The following IGF1 variants were observed in gnomAD, a reference collection of about 807,000 sequenced individuals.
IGF1 encodes insulin like growth factor 1.
Under a neutral mutation model 13.8 loss-of-function variants are expected in IGF1, and 4 were observed. The observed-to-expected ratio is 0.29, with a 90% CI of 0.14 to 0.66. IGF1 has a LOEUF of 0.66. Ranked by LOEUF, IGF1 falls within the 30% of genes least tolerant of loss-of-function variation. The pLI, the probability that IGF1 is intolerant of heterozygous loss-of-function variation, is 0.78. For synonymous variants in IGF1, 76 were observed against 72.6 expected (o/e 1.05, Z -0.23); for missense variants, 124 against 188.5 (o/e 0.66, Z 2.00).
At chr12:102,471,404 A>G (rs1185714467) in intron 2 of IGF1, among the ~76,000 whole-genome samples, 1 of 152,156 alleles carries the variant, frequency 6.6e-6, no homozygotes, top group African/African-American at 2.4e-5. Flanking sequence ...CAACTAATGA[A>G]CGACAGGTCT....
intron 1 of IGF1, among the ~76,000 whole-genome samples, chr12:102,479,034 T>C (rs534350673): frequency 6.6e-6 from 1 of 152,340 alleles, no homozygotes; most frequent in African/African-American, 2.4e-5. Context: ...GAAAAGTGCA[T>C]TTGGAAACAA....
At chr12:102,478,430 G>T in intron 1 of IGF1, 1 of 1,212,912 alleles carries the variant, frequency 8.2e-7, no homozygotes, top group Admixed American at 2.1e-5. Flanking sequence ...AGATGTCTGG[G>T]CCACAATGAA....
rs1879443056 is a variant in IGF1, at chr12:102,456,772, A to C, written c.220+18871T>G. On this transcript the variant is annotated intron_variant, in intron 2 of 3. Coordinates refer to ENST00000337514, the MANE Select transcript of IGF1 (RefSeq NM_000618.5). ...ACATTTGCCCTTGTAATTCCAGTCC[A>C]CAGAAATCATACATGACCCAAAAAG... Among the ~76,000 whole-genome samples the C allele has an allele frequency of 2.0e-5, 3 of 152,182 alleles. No individual in the cohort carries two copies. The South Asian group carries it at 6.2e-4, about 32-fold the overall frequency.
chr12:102,399,260 A>G lies in IGF1; in HGVS notation c.*3247T>C, dbSNP rs1873486890. On this transcript the variant is annotated 3_prime_UTR_variant, in exon 4 of 4. Transcript: ENST00000337514. The stretch of plus-strand genomic sequence containing the variant: ...CTGCCTCATCTTAAAAAGTTCAAAT[A>G]ATACTTTAATATTATTTGGGGAAGA... 2 of 152,456 alleles carry G rather than the reference A, an allele frequency of 1.3e-5. No individual in the cohort carries two copies. 9.4% of individuals were successfully genotyped at this position (152,456 alleles called of 1,614,324 possible). A position where few individuals can be genotyped will look rare whatever the true frequency, so the allele number is the denominator to read the frequency against.
chr12:102,470,433 G>C (rs1025992346), intron 2 of IGF1, among the ~76,000 whole-genome samples: 4 of 152,204 alleles, frequency 2.6e-5, no homozygotes, highest in African/African-American at 9.7e-5. Context: ...CATTTTCTTA[G>C]TGGTCCTATG....
rs147377057 is a variant in IGF1 at position 102,478,864 on chromosome 12, A to G, written c.63+1455T>C. On this transcript the variant is annotated intron_variant, in intron 1 of 3. Transcript: ENST00000337514. ...GGAAATACCTTGAGAGTCAGAGTAC[A>G]ATCAGCTGGTGAGCTCTGCCTCTGG... Among the ~76,000 whole-genome samples the G allele has an allele frequency of 3.3e-3, 498 of 152,320 alleles. 5 individuals carry two copies. The highest frequency in any genetic ancestry group is 2.1e-3 in the Non-Finnish European group (145 of 68,040).
intron 2 of IGF1, among the ~76,000 whole-genome samples, chr12:102,440,768 C>T (rs1311447217): frequency 6.6e-6 from 1 of 152,086 alleles, no homozygotes; most frequent in African/African-American, 2.4e-5. Flanking sequence ...ATGTCAGTTT[C>T]CCCGTATTTA....
rs761462868 is a variant in IGF1 at position 102,419,537 on chromosome 12, C to A, written c.374G>T (p.Arg125Leu). 1 of 1,613,434 alleles carries A rather than the reference C, an allele frequency of 6.2e-7. No homozygotes were observed. The highest frequency in any genetic ancestry group is 8.5e-7 in the Non-Finnish European group (1 of 1,179,964). The change falls in exon 3 of 4, where the codon CGC (arginine) becomes CTC (leucine). Residue 125 changes from arginine (R) to leucine (L), a missense_variant. This residue lies in a region of IGF1 where 99 missense variants were observed against 171.4 expected (regional missense o/e 0.58). Coordinates refer to ENST00000337514, the MANE Select transcript of IGF1 (RefSeq NM_000618.5). ...AKSARSVRAQ[R>L]HTDMPKTQKE... Reference sequence around the variant, plus strand: ...CTGGGTCTTGGGCATGTCGGTGTGGCGCTGGGCACGGACAGAGCGAGCTGA... The same window carrying A: ...CTGGGTCTTGGGCATGTCGGTGTGGAGCTGGGCACGGACAGAGCGAGCTGA...
chr12:102,466,672 C>T (rs776044047), intron 2 of IGF1, among the ~76,000 whole-genome samples: 24 of 152,012 alleles, frequency 1.6e-4, no homozygotes, highest in Non-Finnish European at 3.1e-4. Context: ...GAGACTGAGG[C>T]GGGCAGATCA....
At position 102,402,385 on chromosome 12, in the gene IGF1, C is replaced by G. The variant is rs886667040; in HGVS notation, c.*122G>C. ...CTTGTGTATTTCATTGGGGGAAACGCCCATCTTTTAAATGTTATCAAACTT... is the reference window on the plus strand; with the variant it reads ...CTTGTGTATTTCATTGGGGGAAACGGCCATCTTTTAAATGTTATCAAACTT... On this transcript the variant is annotated 3_prime_UTR_variant, in exon 4 of 4. Transcript: ENST00000337514. 6.6e-5 allele frequency: 51 copies of G among 773,290 alleles called. No homozygotes were observed. In the African/African-American group the frequency reaches 6.8e-4, roughly 10 times the overall value. The allele number at this position is 773,290 out of a possible 1,614,324, so 47.9% of individuals were successfully genotyped here. A position where few individuals can be genotyped will look rare whatever the true frequency, so the allele number is the denominator to read the frequency against.
chr12:102,407,622 G>GT (rs959879663), intron 3 of IGF1, among the ~76,000 whole-genome samples: 60 of 152,250 alleles, frequency 3.9e-4, no homozygotes, highest in Middle Eastern at 6.8e-3. Context: ...TCCCCAAGAG[G>GT]TAAAAAATAT....
In IGF1 at chr12:102,396,537, G is replaced by T; in HGVS notation, c.*5970C>A. 1 of 211,856 alleles carries T rather than the reference G, an allele frequency of 4.7e-6. No individual in the cohort carries two copies. Among genetic ancestry groups the T allele is most frequent in the Non-Finnish European group, 9.3e-6 (1 of 107,430 alleles). The allele number at this position is 211,856 out of a possible 1,614,324, so 13.1% of individuals were successfully genotyped here. On this transcript the variant is annotated 3_prime_UTR_variant, in exon 4 of 4. Transcript: ENST00000337514. ...CTATGAGTTGGTGAGTGGGGTCAAT[G>T]GGTGGCTTGAAAGGGATTTTAGAGC...
At position 102,475,567 on chromosome 12, in the gene IGF1, C is replaced by T. The variant is rs576962416; in HGVS notation, c.220+76G>A. The stretch of plus-strand genomic sequence containing the variant: ...ACGGGCACTCATTCAGTTATTCACA[C>T]ACTCCCTGCGGTTGTAAATCCACAG... On this transcript the variant is annotated intron_variant, in intron 2 of 3. Coordinates refer to ENST00000337514, the MANE Select transcript of IGF1 (RefSeq NM_000618.5). 2.6e-5 allele frequency: 40 copies of T among 1,534,166 alleles called. No individual in the cohort carries two copies. The South Asian group carries it at 3.7e-4, about 14-fold the overall frequency.
chr12:102,396,207 A>C lies in IGF1; in HGVS notation c.*6300T>G, dbSNP rs183172689. On this transcript the variant is annotated 3_prime_UTR_variant, in exon 4 of 4. Transcript: ENST00000337514. The stretch of plus-strand genomic sequence containing the variant: ...TAAGTTTATTTATCACACTTGGCCT[A>C]TAAGTGTGATAAAAATACATGAGGC... 2 of 152,370 alleles carry C rather than the reference A, an allele frequency of 1.3e-5. No homozygotes were observed. Among genetic ancestry groups the C allele is most frequent in the East Asian group, 3.8e-4 (2 of 5,196 alleles). 9.4% of individuals were successfully genotyped at this position (152,370 alleles called of 1,614,324 possible).
In IGF1 at chr12:102,475,724, T is replaced by A. The variant is rs778191257; in HGVS notation, c.139A>T (p.Thr47Ser). The change falls in exon 2 of 4, where the codon ACG (threonine) becomes TCG (serine). Residue 47 changes from threonine to serine, a missense_variant. Physicochemically the swap from Thr to Ser is moderately conservative, Grantham distance 58 (BLOSUM62 1). This residue lies in a region of IGF1 where 99 missense variants were observed against 171.4 expected (regional missense o/e 0.58). Coordinates refer to ENST00000337514, the MANE Select transcript of IGF1 (RefSeq NM_000618.5). Reference sequence around the variant, plus strand: ...CCGCAGAGCGTCTCCGGTCCAGCCGTGGCAGAGCTGGTGAAGGTGAGCAGG... The same window carrying A: ...CCGCAGAGCGTCTCCGGTCCAGCCGAGGCAGAGCTGGTGAAGGTGAGCAGG... ...LCLLTFTSSA[T>S]AGPETLCGAE... 1 of 1,614,162 alleles carries A rather than the reference T, an allele frequency of 6.2e-7. No individual in the cohort carries two copies. The highest frequency in any genetic ancestry group is 1.1e-5 in the South Asian group (1 of 91,074).
intron 3 of IGF1, among the ~76,000 whole-genome samples, chr12:102,418,436 C>T (rs1319618617): frequency 1.3e-5 from 2 of 152,254 alleles, no homozygotes; most frequent in Non-Finnish European, 2.9e-5. Flanking sequence ...CTTCCAGCCT[C>T]AGCTGAGGTT....
intron 2 of IGF1, among the ~76,000 whole-genome samples, chr12:102,448,111 C>T (rs1878522004): frequency 6.6e-6 from 1 of 151,162 alleles, no homozygotes; most frequent in Admixed American, 6.6e-5. Context: ...ACTAGTCAAC[C>T]ATTGTGGAAG....
intron 2 of IGF1, among the ~76,000 whole-genome samples, chr12:102,453,656 G>C (rs1311336466): frequency 6.6e-6 from 1 of 152,218 alleles, no homozygotes; most frequent in Non-Finnish European, 1.5e-5. Flanking sequence ...TGCTAGGAAA[G>C]AGATGAGTTT....
chr12:102,478,796 CTCCAG>C, intron 1 of IGF1: 1 of 431,164 alleles, frequency 2.3e-6, no homozygotes, highest in East Asian at 4.2e-5. Context: ...GTGACCCAAG[CTCCAG>C]TCCACTCCCT....
Sources: allele counts gnomAD v4.1 joint callset (sites outside exome capture counted in the v4.1 genomes callset), GRCh38; gene constraint gnomAD v4.1.1; regional missense constraint gnomAD v4.1.1; transcripts MANE v1.5; gene names NCBI Gene and HGNC (gene_info 2026-07-23, HGNC 2026-07-21).